The following SLC22A16 variants were observed in gnomAD, a reference collection of about 807,000 sequenced individuals.
SLC22A16 encodes WUGSC:RG331P03.1.
In SLC22A16, 53 loss-of-function variants were observed where a neutral mutation model predicts 52.9. That is an observed-to-expected ratio of 1.00 (90% CI 0.80 to 1.26). The LOEUF is 1.26. Among genes scored for constraint, SLC22A16 ranks in the 50% most tolerant of loss-of-function variants. The pLI, the probability that SLC22A16 is intolerant of heterozygous loss-of-function variation, is 0.00. For missense variants in SLC22A16, 726 were observed against 704.0 expected (o/e 1.03, Z -0.35); for synonymous variants, 291 against 268.8 (o/e 1.08, Z -0.81).
chr6:110,469,502 C>T (rs965510787), intron 1 of SLC22A16, among the ~76,000 whole-genome samples: 3 of 152,170 alleles, frequency 2.0e-5, no homozygotes, highest in African/African-American at 7.2e-5. Flanking sequence ...GAGCCAAGAT[C>T]GTGCCACTGC....
At chr6:110,473,363 G>T (rs939371632) in intron 1 of SLC22A16, among the ~76,000 whole-genome samples, 1 of 151,928 alleles carries the variant, frequency 6.6e-6, no homozygotes, top group African/African-American at 2.4e-5. Context: ...CCCAACACAG[G>T]TGCCTAAATT....
intron 1 of SLC22A16, among the ~76,000 whole-genome samples, chr6:110,466,437 CA>C (rs35355091): frequency 0.012 from 1,834 of 149,534 alleles, 29 homozygotes; most frequent in African/African-American, 0.042. Flanking sequence ...CAAATTAATA[CA>C]AAAAAAAACC....
At chr6:110,447,081 T>C (rs1281174396) in intron 2 of SLC22A16, 91 bp from the exon 3 acceptor site, 9 of 970,358 alleles carry the variant, frequency 9.3e-6, no homozygotes, top group Non-Finnish European at 1.4e-5. Context: ...AGGCATTACC[T>C]ATATACCTTG....
intron 1 of SLC22A16, among the ~76,000 whole-genome samples, chr6:110,458,598 C>G (rs1775755150): frequency 6.6e-6 from 1 of 152,042 alleles, no homozygotes; most frequent in African/African-American, 2.4e-5. Context: ...TAAGGGAAGC[C>G]CAGATAGCTG....
intron 7 of SLC22A16, chr6:110,425,286 C>T: frequency 6.6e-7 from 1 of 1,505,838 alleles, no homozygotes; most frequent in Non-Finnish European, 8.9e-7. Context: ...TTAATCTCAT[C>T]ACTCACTCAT....
intron 2 of SLC22A16, chr6:110,455,468 C>T (rs987021421): frequency 2.0e-5 from 3 of 152,100 alleles, no homozygotes; most frequent in Non-Finnish European, 4.4e-5. Context: ...TGGTATACCT[C>T]AAGGGCAGGG....
At chr6:110,431,110 A>T in intron 7 of SLC22A16, 61 bp downstream of exon 7, 1 of 1,345,716 alleles carries the variant, frequency 7.4e-7, no homozygotes. Context: ...AGAAGTTGCT[A>T]ATAGGCAATT....
intron 2 of SLC22A16, among the ~76,000 whole-genome samples, chr6:110,447,297 G>T (rs187935524): frequency 1.3e-5 from 2 of 152,062 alleles, no homozygotes; most frequent in Non-Finnish European, 2.9e-5. Context: ...TCCCTTTCAG[G>T]ACTTTGGCTC....
At chr6:110,437,655 A>G (rs1305193346) in intron 5 of SLC22A16, among the ~76,000 whole-genome samples, 1 of 152,248 alleles carries the variant, frequency 6.6e-6, no homozygotes, top group Non-Finnish European at 1.5e-5. Flanking sequence ...CTTAATGATT[A>G]TATAATCACA....
intron 6 of SLC22A16, among the ~76,000 whole-genome samples, chr6:110,434,553 G>A (rs1488841088): frequency 7.3e-6 from 1 of 137,324 alleles, no homozygotes; most frequent in African/African-American, 2.7e-5. Flanking sequence ...GTTTGGAAAA[G>A]CTTTGTAAAA....
At chr6:110,454,621 AAT>A (rs1775520235) in intron 2 of SLC22A16, among the ~76,000 whole-genome samples, 1 of 54,720 alleles carries the variant, frequency 1.8e-5, no homozygotes, top group Non-Finnish European at 3.0e-5. Context: ...TTTTATATAT[AAT>A]ATATATTTAT....
At position 110,456,864 on chromosome 6, in the gene SLC22A16, C is replaced by G. The variant is rs374020837; in HGVS notation, c.207G>C (p.Trp69Cys). The G allele has an allele frequency of 1.9e-6, 3 of 1,613,974 alleles. No homozygotes were observed. The African/African-American group carries it at 4.0e-5, about 22-fold the overall frequency. ...ACAGGGCCCCGGTGTCCTCCAAACT[C>G]CAATTAGAGTGATTATGGAAAACAA... ...SQVVFHNHSN[W>C]SLEDTGALLS... The change falls in exon 2 of 8, where the codon TGG becomes TGC. Residue 69 changes from tryptophan to cysteine, a missense_variant. Transcript: ENST00000368919.
chr6:110,457,489 A>C (rs917800133), intron 1 of SLC22A16, among the ~76,000 whole-genome samples: 1 of 152,240 alleles, frequency 6.6e-6, no homozygotes, highest in Non-Finnish European at 1.5e-5. Context: ...TGCCGAGGCA[A>C]GAGACCGAGC....
In SLC22A16 at chr6:110,454,690, T is replaced by G. The variant is rs28442073; in HGVS notation, c.533+1848A>C. Among the ~76,000 whole-genome samples the G allele has an allele frequency of 4.6e-4, 36 of 77,534 alleles. 5 individuals are homozygous for G. The highest frequency in any genetic ancestry group is 2.1e-3 in the African/African-American group (34 of 16,182). 50.9% of individuals were successfully genotyped at this position (77,534 alleles called of 152,430 possible). On this transcript the variant is annotated intron_variant, in intron 2 of 7. Coordinates refer to ENST00000368919, the MANE Select transcript of SLC22A16 (RefSeq NM_033125.4). ...ATTTATATATATTATATATTTTATA[T>G]TATATATATTTTTTGTATATATATT... is the stretch of plus-strand genomic sequence containing the variant.
intron 1 of SLC22A16, chr6:110,475,791 C>T (rs1776444223): frequency 2.5e-6 from 1 of 396,640 alleles, no homozygotes; most frequent in South Asian, 1.9e-5. Flanking sequence ...CATGAGTGAA[C>T]GAACGAATGA....
chr6:110,441,652 C>T (rs1774970634), intron 4 of SLC22A16, among the ~76,000 whole-genome samples: 1 of 152,168 alleles, frequency 6.6e-6, no homozygotes, highest in Non-Finnish European at 1.5e-5. Context: ...TTAACCAAAG[C>T]TTTTGTAGAA....
Position 110,454,730 on chromosome 6 carries a change from TGTAC to T in SLC22A16, c.533+1804_533+1807del, listed in dbSNP as rs1356173792. 5.7e-4 allele frequency among the ~76,000 whole-genome samples: 43 copies of T among 74,994 alleles called. 2 individuals carry two copies. Among genetic ancestry groups the T allele is most frequent in the African/African-American group, 2.3e-3 (41 of 17,654 alleles). 49.2% of individuals were successfully genotyped at this position (74,994 alleles called of 152,430 possible). ...GTATATATATTTTATATATATTATA[TGTAC>T]ATATAATATATATATTATTATATAC... On this transcript the variant is annotated intron_variant, in intron 2 of 7. Transcript: ENST00000368919.
chr6:110,471,920 C>A (rs986139937), intron 1 of SLC22A16, among the ~76,000 whole-genome samples: 1 of 152,216 alleles, frequency 6.6e-6, no homozygotes, highest in African/African-American at 2.4e-5. Context: ...AGGTGCCAGG[C>A]ATGCCTAATC....
intron 1 of SLC22A16, among the ~76,000 whole-genome samples, chr6:110,461,591 A>T (rs78718561): frequency 0.022 from 3,415 of 152,250 alleles, 122 homozygotes; most frequent in African/African-American, 0.078. Context: ...GTGCTAGTGT[A>T]TGAGATAAGC....
Sources: gnomAD v4.1 joint callset for allele counts (sites outside exome capture counted in the v4.1 genomes callset) on GRCh38, gnomAD v4.1.1 for gene constraint, MANE v1.5 for transcripts, NCBI Gene and HGNC (gene_info 2026-07-23, HGNC 2026-07-21) for gene names.